PGM3: variants seen among roughly 807,000 people sequenced by gnomAD.
PGM3 encodes phosphoacetylglucosamine mutase.
Under a neutral mutation model 66.2 loss-of-function variants are expected in PGM3, and 40 were observed. That is an observed-to-expected ratio of 0.60 (90% CI 0.47 to 0.79). PGM3 has a LOEUF of 0.79. Among genes scored for constraint, PGM3 ranks in the 30% least tolerant of loss-of-function variants. PGM3 has a pLI of 0.00. For synonymous variants in PGM3, 191 were observed against 224.2 expected, an observed-to-expected ratio of 0.85 and a Z score of 1.32; for missense variants, 537 against 643.4, an observed-to-expected ratio of 0.83 and a Z score of 1.79.
In PGM3 at chr6:83,187,092, A is replaced by G; in HGVS notation, c.390-17T>C. ...CTGCTGGGCCTAGGAAAGAAAAGGA[A>G]GAAAATAATATATCCCATCCTGAAA... On this transcript the variant is annotated splice_polypyrimidine_tract_variant and intron_variant, in intron 3 of 12. Transcript: ENST00000513973. The G allele has an allele frequency of 2.6e-6, 4 of 1,523,146 alleles. No individual in the cohort carries two copies. The highest frequency in any genetic ancestry group is 2.7e-6 in the Non-Finnish European group (3 of 1,100,254). The allele number at this position is 1,523,146 out of a possible 1,614,324, so 94.4% of individuals were successfully genotyped here.
chr6:83,151,144 G>C, the PGM3 span, among the ~76,000 whole-genome samples: 2 of 152,026 alleles, frequency 1.3e-5, no homozygotes, highest in African/African-American at 4.8e-5. Flanking sequence ...TTTAGTATTT[G>C]AACATTCTGC....
At chr6:83,187,959 T>C (rs1187236335) in intron 3 of PGM3, among the ~76,000 whole-genome samples, 1 of 152,214 alleles carries the variant, frequency 6.6e-6, no homozygotes, top group Non-Finnish European at 1.5e-5. Context: ...ATCGTCGGTA[T>C]CTGGAAAACC....
rs1219337174 is a variant in PGM3, at chr6:83,191,958, C to CAAAAAAAAAAAA, written c.-2-956_-2-945dup. On this transcript the variant is annotated intron_variant, in intron 1 of 12. Coordinates refer to ENST00000513973, the MANE Select transcript of PGM3 (RefSeq NM_015599.3). ...TGGGTGACAAAGGGAGACTCGGTCTCAAAAAAAAAAAAAAAAAAAAAAAAC... is the reference window on the plus strand; with the variant it reads ...TGGGTGACAAAGGGAGACTCGGTCTCAAAAAAAAAAAAAAAAAAAAAAAAAAAAAAAAAAAAC... 6.3e-3 allele frequency among the ~76,000 whole-genome samples: 247 copies of CAAAAAAAAAAAA among 39,356 alleles called. 15 individuals carry two copies. The highest frequency in any genetic ancestry group is 0.014 in the East Asian group (16 of 1,122). The allele number at this position is 39,356 out of a possible 152,430, so 25.8% of individuals were successfully genotyped here.
At chr6:83,155,961 A>G in the PGM3 span, 1 of 1,611,818 alleles carries the variant, frequency 6.2e-7, no homozygotes, top group South Asian at 1.1e-5. Context: ...CTCGTGTAGC[A>G]GTGGCTCAAA....
chr6:83,187,000 C>G lies in PGM3; in HGVS notation c.457+8G>C, dbSNP rs1450004873. 1 of 1,489,280 alleles carries G rather than the reference C, an allele frequency of 6.7e-7. No homozygotes were observed. Among genetic ancestry groups the G allele is most frequent in the Non-Finnish European group, 9.3e-7 (1 of 1,072,950 alleles). 92.3% of individuals were successfully genotyped at this position (1,489,280 alleles called of 1,614,324 possible). A position where few individuals can be genotyped will look rare whatever the true frequency, so the allele number is the denominator to read the frequency against. On this transcript the variant is annotated splice_region_variant and intron_variant, in intron 4 of 12. Transcript: ENST00000513973. ...TAGTTTAATTTCCAACTCAGGATAACTACATACCATGGAATTGACCTCCTA... is the reference window on the plus strand; with the variant it reads ...TAGTTTAATTTCCAACTCAGGATAAGTACATACCATGGAATTGACCTCCTA...
At chr6:83,178,094 T>C (rs894857371) in intron 8 of PGM3, among the ~76,000 whole-genome samples, 2 of 152,206 alleles carry the variant, frequency 1.3e-5, no homozygotes, top group Non-Finnish European at 2.9e-5. Context: ...TGTCATGAAT[T>C]ATTTTTTCTT....
At chr6:83,158,134 G>A (rs1783252028), downstream of PGM3, among the ~76,000 whole-genome samples, 1 of 151,990 alleles carries the variant, frequency 6.6e-6, no homozygotes, top group African/African-American at 2.4e-5. Flanking sequence ...GAGTAGCTGG[G>A]ACTACAGGCA....
Position 83,169,013 on chromosome 6 carries a change from T to C in PGM3, c.*221A>G. The C allele has an allele frequency of 7.4e-7, 1 of 1,343,624 alleles. No homozygotes were observed. The highest frequency in any genetic ancestry group is 2.9e-5 in the East Asian group (1 of 34,966). The allele number at this position is 1,343,624 out of a possible 1,614,324, so 83.2% of individuals were successfully genotyped here. A position where few individuals can be genotyped will look rare whatever the true frequency, so the allele number is the denominator to read the frequency against. Reference sequence around the variant, plus strand: ...ATACTTAAGTCCCAGTATTTTACATTAGTGAGACTGAAATTAGAGGTAAAT... The same window carrying C: ...ATACTTAAGTCCCAGTATTTTACATCAGTGAGACTGAAATTAGAGGTAAAT... On this transcript the variant is annotated 3_prime_UTR_variant, in exon 13 of 13. Coordinates refer to ENST00000513973, the MANE Select transcript of PGM3 (RefSeq NM_015599.3).
chr6:83,149,161 G>A, the PGM3 span, among the ~76,000 whole-genome samples: 2 of 152,068 alleles, frequency 1.3e-5, no homozygotes, highest in South Asian at 4.1e-4. Flanking sequence ...AAGGGGAGGG[G>A]GTGATGTAGC....
chr6:83,157,211 C>T, downstream of PGM3: 1 of 1,613,628 alleles, frequency 6.2e-7, no homozygotes, highest in Non-Finnish European at 8.5e-7. Context: ...CCGTTTGCCA[C>T]AGGTGCCAAC....
At chr6:83,189,662 A>G (rs983208276) in intron 2 of PGM3, among the ~76,000 whole-genome samples, 2 of 152,356 alleles carry the variant, frequency 1.3e-5, no homozygotes, top group Admixed American at 1.3e-4. Flanking sequence ...CATATTATTC[A>G]AACCCTGTAT....
rs1229995849 is a variant in PGM3 at position 83,167,836 on chromosome 6, AC to A, written c.*1397del. The A allele has an allele frequency of 6.3e-7, 1 of 1,586,668 alleles. No homozygotes were observed. Among genetic ancestry groups the A allele is most frequent in the Non-Finnish European group, 8.6e-7 (1 of 1,166,260 alleles). ...ATACCACATTGTCTGTTGTATTAAT[AC>A]CAGTTCACTTTTTGTTTTCTGCAGA... On this transcript the variant is annotated 3_prime_UTR_variant, in exon 13 of 13. Coordinates refer to ENST00000513973, the MANE Select transcript of PGM3 (RefSeq NM_015599.3).
chr6:83,187,880 C>T (rs932734480), intron 3 of PGM3, among the ~76,000 whole-genome samples: 1 of 152,176 alleles, frequency 6.6e-6, no homozygotes, highest in Non-Finnish European at 1.5e-5. Context: ...TAGTTAAGAA[C>T]CAAATACATG....
At chr6:83,153,710 A>G in the PGM3 span, 1 of 1,217,122 alleles carries the variant, frequency 8.2e-7, no homozygotes, top group East Asian at 2.6e-5. Context: ...TAGAATTATC[A>G]TAAAATGGCA....
intron 5 of PGM3, among the ~76,000 whole-genome samples, chr6:83,182,429 A>G (rs1220613996): frequency 6.6e-6 from 1 of 152,214 alleles, no homozygotes; most frequent in African/African-American, 2.4e-5. Context: ...CATATACTCA[A>G]TATTTGTTGA....
rs1413850180 is a variant in PGM3, at chr6:83,168,091, C to T, written c.*1143G>A. 1 of 1,614,018 alleles carries T rather than the reference C, an allele frequency of 6.2e-7. No individual in the cohort carries two copies. Among genetic ancestry groups the T allele is most frequent in the African/African-American group, 1.3e-5 (1 of 74,914 alleles). On this transcript the variant is annotated 3_prime_UTR_variant, in exon 13 of 13. Coordinates refer to ENST00000513973, the MANE Select transcript of PGM3 (RefSeq NM_015599.3). ...GACATGAAACTGGAGAACCACAAAC[C>T]ATGTTCCAGCAAAGCCAGGCAAAAA...
At chr6:83,152,408 G>T in the PGM3 span, 1 of 922,294 alleles carries the variant, frequency 1.1e-6, no homozygotes, top group Non-Finnish European at 1.6e-6. Context: ...CAAGTAGACT[G>T]TTTCATTATT....
chr6:83,171,800 G>A, intron 11 of PGM3, 137 bp downstream of exon 11: 1 of 687,054 alleles, frequency 1.5e-6, no homozygotes. Context: ...GGCCCATAAG[G>A]CCTTATTTTC....
chr6:83,154,268 G>A, the PGM3 span: 2 of 1,592,482 alleles, frequency 1.3e-6, no homozygotes, highest in Non-Finnish European at 1.7e-6. Context: ...GACAATCCAA[G>A]TTCTTTCCTG....
Sources: allele counts gnomAD v4.1 joint callset (sites outside exome capture counted in the v4.1 genomes callset), GRCh38; gene constraint gnomAD v4.1.1; transcripts MANE v1.5; gene names NCBI Gene and HGNC (gene_info 2026-07-23, HGNC 2026-07-21).